CRISP3: variants seen among roughly 807,000 people sequenced by gnomAD.
CRISP3 encodes the protein cysteine rich secretory protein 3.
In CRISP3, 33 loss-of-function variants were observed where a neutral mutation model predicts 36.1. The observed-to-expected ratio is 0.91, with a 90% CI of 0.69 to 1.22. CRISP3 has a LOEUF of 1.22. Ranked by LOEUF, CRISP3 falls within the 50% of genes most tolerant of loss-of-function variation. The pLI, the probability that CRISP3 is intolerant of heterozygous loss-of-function variation, is 0.00. For synonymous variants in CRISP3, 117 were observed against 104.6 expected (o/e 1.12, Z -0.72); for missense variants, 330 against 301.2 (o/e 1.10, Z -0.71).
In CRISP3 at chr6:49,728,278, G is replaced by A. The variant is rs575311140; in HGVS notation, c.*452C>T. On this transcript the variant is annotated 3_prime_UTR_variant, in exon 8 of 8. Coordinates refer to ENST00000263045, the MANE Select transcript of CRISP3 (RefSeq NM_006061.4). ...GTGAAAAGAATTAAGACAGCATATGGGAAAACGTCTTTGAAGATGCTTAGC... is the reference window on the plus strand; with the variant it reads ...GTGAAAAGAATTAAGACAGCATATGAGAAAACGTCTTTGAAGATGCTTAGC... 2.0e-5 allele frequency: 3 copies of A among 152,574 alleles called. No individual in the cohort carries two copies. Among genetic ancestry groups the A allele is most frequent in the African/African-American group, 7.2e-5 (3 of 41,562 alleles). The allele number at this position is 152,574 out of a possible 1,614,324, so 9.5% of individuals were successfully genotyped here.
At chr6:49,733,659 TAGGGCA>T in intron 5 of CRISP3, 38 bp downstream of exon 5, 4 of 1,543,128 alleles carry the variant, frequency 2.6e-6, no homozygotes, top group Admixed American at 4.2e-5. Context: ...CCTTTTTTTT[TAGGGCA>T]CTTATAAAGG....
Position 49,727,987 on chromosome 6 carries a change from A to G in CRISP3, c.*743T>C, listed in dbSNP as rs1225075833. ...GAGTCACTGATTTTAGTGAAGACTC[A>G]CAAGGGAGAGGACTGAGTTCTACCT... is the stretch of plus-strand genomic sequence containing the variant. On this transcript the variant is annotated 3_prime_UTR_variant, in exon 8 of 8. Coordinates refer to ENST00000263045, the MANE Select transcript of CRISP3 (RefSeq NM_006061.4). 6.6e-6 allele frequency: 1 copy of G among 152,134 alleles called. No homozygotes were observed. Among genetic ancestry groups the G allele is most frequent in the East Asian group, 1.9e-4 (1 of 5,198 alleles). The allele number at this position is 152,134 out of a possible 1,614,324, so 9.4% of individuals were successfully genotyped here.
rs1237076744 is a variant in CRISP3, at chr6:49,731,265, T to C, written c.561-14A>G. 2.6e-6 allele frequency: 4 copies of C among 1,541,570 alleles called. No individual in the cohort carries two copies. The highest frequency in any genetic ancestry group is 1.8e-5 in the Admixed American group (1 of 55,618). On this transcript the variant is annotated splice_polypyrimidine_tract_variant and intron_variant, in intron 6 of 7. Coordinates refer to ENST00000263045, the MANE Select transcript of CRISP3 (RefSeq NM_006061.4). ...GCCCAATTACCACTGAAATTTGAAA[T>C]AAAAATGTCAAATATTTTTCATTTT...
chr6:49,739,472 A>G (rs1319005584), intron 1 of CRISP3, among the ~76,000 whole-genome samples: 2 of 152,180 alleles, frequency 1.3e-5, no homozygotes, highest in African/African-American at 4.8e-5. Flanking sequence ...AAAAGAGGAG[A>G]GTAAAATTTT....
intron 1 of CRISP3, among the ~76,000 whole-genome samples, chr6:49,743,601 G>A (rs1029201152): frequency 6.6e-6 from 1 of 152,070 alleles, no homozygotes; most frequent in Non-Finnish European, 1.5e-5. Context: ...TTGTCATTAG[G>A]TAGTTCTGTG....
intron 1 of CRISP3, among the ~76,000 whole-genome samples, chr6:49,741,788 G>A (rs1177817035): frequency 1.4e-5 from 2 of 146,748 alleles, no homozygotes; most frequent in South Asian, 4.3e-4. Context: ...CACAGTACTG[G>A]AGAGATCCTA....
At chr6:49,736,306 A>G (rs1312387989) in intron 3 of CRISP3, 85 bp downstream of exon 3, 1 of 841,736 alleles carries the variant, frequency 1.2e-6, no homozygotes, top group African/African-American at 1.7e-5. Flanking sequence ...GTAAACTTCA[A>G]AGTTATTAAG....
chr6:49,740,701 G>A (rs1396942759), intron 1 of CRISP3, among the ~76,000 whole-genome samples: 1 of 70,080 alleles, frequency 1.4e-5, no homozygotes, highest in Non-Finnish European at 2.9e-5. Context: ...TTCTACTCTT[G>A]CCTCAAAACA....
Position 49,735,494 on chromosome 6 carries a change from A to G in CRISP3, c.316+10T>C. ...TGATTTATTCAACAAATATTTCCTA[A>G]TTTACATACTTGTCATTCGATCCTT... is the stretch of plus-strand genomic sequence containing the variant. On this transcript the variant is annotated intron_variant, in intron 4 of 7. Coordinates refer to ENST00000263045, the MANE Select transcript of CRISP3 (RefSeq NM_006061.4). 6.3e-7 allele frequency: 1 copy of G among 1,585,410 alleles called. No individual in the cohort carries two copies. The highest frequency in any genetic ancestry group is 8.6e-7 in the Non-Finnish European group (1 of 1,158,890).
Position 49,728,495 on chromosome 6 carries a change from T to G in CRISP3, c.*235A>C. On this transcript the variant is annotated 3_prime_UTR_variant, in exon 8 of 8. Coordinates refer to ENST00000263045, the MANE Select transcript of CRISP3 (RefSeq NM_006061.4). ...ATTCAGTAAATTTAAATCACAAAGT[T>G]TATATATAAAAATCCAAAGTTGTTG... 1 of 308,072 alleles carries G rather than the reference T, an allele frequency of 3.2e-6. No individual in the cohort carries two copies. Among genetic ancestry groups the G allele is most frequent in the Non-Finnish European group, 5.8e-6 (1 of 171,272 alleles). 19.1% of individuals were successfully genotyped at this position (308,072 alleles called of 1,614,324 possible). A position where few individuals can be genotyped will look rare whatever the true frequency, so the allele number is the denominator to read the frequency against.
intron 3 of CRISP3, 83 bp downstream of exon 3, chr6:49,736,308 G>A: frequency 1.2e-6 from 1 of 861,458 alleles, no homozygotes. Context: ...AAACTTCAAA[G>A]TTATTAAGAG....
intron 1 of CRISP3, among the ~76,000 whole-genome samples, chr6:49,743,138 A>G (rs1769249747): frequency 6.6e-6 from 1 of 152,258 alleles, no homozygotes; most frequent in East Asian, 1.9e-4. Flanking sequence ...TCGTAAAGAT[A>G]TCCAAATAAG....
At chr6:49,729,274 A>G (rs1017352661) in intron 7 of CRISP3, among the ~76,000 whole-genome samples, 5 of 152,118 alleles carry the variant, frequency 3.3e-5, no homozygotes, top group African/African-American at 1.2e-4. Flanking sequence ...CAGTTATATC[A>G]AGTGTTCAGT....
intron 2 of CRISP3, 59 bp from the exon 3 acceptor site, chr6:49,736,566 T>A: frequency 8.3e-7 from 1 of 1,198,572 alleles, no homozygotes; most frequent in Non-Finnish European, 1.2e-6. Flanking sequence ...CACATAATAG[T>A]AACTATGTTA....
chr6:49,733,612 C>T, intron 5 of CRISP3, 91 bp downstream of exon 5: 2 of 1,356,760 alleles, frequency 1.5e-6, no homozygotes, highest in Non-Finnish European at 1.0e-6. Context: ...GAAATTTTCC[C>T]CAAATTCAAC....
intron 6 of CRISP3, 22 bp from the exon 7 acceptor site, chr6:49,731,273 T>C (rs113413962): frequency 6.7e-7 from 1 of 1,493,030 alleles, no homozygotes; most frequent in Non-Finnish European, 9.2e-7. Flanking sequence ...AATAAAAATG[T>C]CAAATATTTT....
In CRISP3 at chr6:49,728,626, C is replaced by T; in HGVS notation, c.*104G>A. 1 of 909,304 alleles carries T rather than the reference C, an allele frequency of 1.1e-6. No homozygotes were observed. The highest frequency in any genetic ancestry group is 1.5e-6 in the Non-Finnish European group (1 of 655,294). 56.3% of individuals were successfully genotyped at this position (909,304 alleles called of 1,614,324 possible). On this transcript the variant is annotated 3_prime_UTR_variant, in exon 8 of 8. Transcript: ENST00000263045. ...TGAAATCAAATGTGTATCAAACATG[C>T]CTACAATTTCTCAGCTAGTATATGT...
rs1768836861 is a variant in CRISP3, at chr6:49,728,743, T to C, written c.764A>G (p.Asn255Ser). The C allele has an allele frequency of 1.2e-6, 2 of 1,611,554 alleles. No individual in the cohort carries two copies. The highest frequency in any genetic ancestry group is 2.7e-5 in the African/African-American group (2 of 74,878). The change falls in exon 8 of 8, where the codon AAC becomes AGC. Residue 255 changes from asparagine to serine, a missense_variant. Physicochemically the swap from Asn to Ser is conservative, Grantham distance 46. Coordinates refer to ENST00000263045, the MANE Select transcript of CRISP3 (RefSeq NM_006061.4). ...TGTAATGCGTATTTAATAAATGCTG[T>C]TTGAACAATTGCAGGAGGCCTTGCA... ...DSCKASCNCS[N>S]SIY
At chr6:49,730,588 T>C (rs900238353) in intron 7 of CRISP3, among the ~76,000 whole-genome samples, 8 of 152,150 alleles carry the variant, frequency 5.3e-5, no homozygotes, top group African/African-American at 1.7e-4. Context: ...AGAATAAACT[T>C]CCTATTTAAT....
Sources: allele counts gnomAD v4.1 joint callset (sites outside exome capture counted in the v4.1 genomes callset), GRCh38; gene constraint gnomAD v4.1.1; transcripts MANE v1.5; gene names NCBI Gene and HGNC (gene_info 2026-07-23, HGNC 2026-07-21).